Variants in ERH observed in about 807,000 individuals in gnomAD.
ERH encodes ERH mRNA splicing and mitosis factor.
ERH carries 1 observed loss-of-function variant against 16.8 expected under a neutral mutation model. That is an observed-to-expected ratio of 0.06 (90% CI 0.02 to 0.28). The LOEUF (loss-of-function observed/expected upper bound fraction) is 0.28. Among genes scored for constraint, ERH ranks in the 10% least tolerant of loss-of-function variants. The pLI, the probability that ERH is intolerant of heterozygous loss-of-function variation, is 1.00. For synonymous variants in ERH, 43 were observed against 43.6 expected, an observed-to-expected ratio of 0.99 and a Z score of 0.05; for missense variants, 42 against 127.5, an observed-to-expected ratio of 0.33 and a Z score of 3.23.
chr14:69,391,848 A>T (rs891150176), intron 2 of ERH, among the ~76,000 whole-genome samples: 1 of 152,052 alleles, frequency 6.6e-6, no homozygotes, highest in Non-Finnish European at 1.5e-5. Flanking sequence ...TCTGGTAGTG[A>T]AACTACTCTG....
At chr14:69,385,581 G>T (rs1023321738) in intron 3 of ERH, among the ~76,000 whole-genome samples, 2 of 148,626 alleles carry the variant, frequency 1.3e-5, no homozygotes, top group East Asian at 3.9e-4. Context: ...TTAAAAAAAA[G>T]CAATTTCTTT....
intron 2 of ERH, among the ~76,000 whole-genome samples, chr14:69,392,273 T>C (rs549866641): frequency 4.4e-4 from 67 of 151,440 alleles, no homozygotes; most frequent in African/African-American, 1.6e-3. Flanking sequence ...ACTTATTTAA[T>C]AATTATTTTA....
intron 2 of ERH, among the ~76,000 whole-genome samples, chr14:69,387,999 T>C (rs2140231300): frequency 6.6e-6 from 1 of 152,228 alleles, no homozygotes; most frequent in Admixed American, 6.5e-5. Flanking sequence ...TGAGCCGAGA[T>C]CGGCCACTGC....
chr14:69,384,049 T>C (rs945112063), intron 3 of ERH, among the ~76,000 whole-genome samples: 1 of 152,208 alleles, frequency 6.6e-6, no homozygotes, highest in Admixed American at 6.5e-5. Context: ...AATGACATAC[T>C]TGTATATCAT....
chr14:69,398,088 A>C, intron 1 of ERH, 143 bp downstream of exon 1: 11 of 1,055,278 alleles, frequency 1.0e-5, no homozygotes, highest in African/African-American at 1.6e-5. Context: ...TGCGGCGGGA[A>C]GAAGGGTCAA....
chr14:69,391,764 T>A (rs1003217652), intron 2 of ERH, among the ~76,000 whole-genome samples: 1 of 142,348 alleles, frequency 7.0e-6, no homozygotes, highest in Admixed American at 7.2e-5. Context: ...AAGGCAAAAC[T>A]ACAGATATGG....
chr14:69,394,745 T>TA (rs1360377534), intron 2 of ERH, 80 bp downstream of exon 2: 30,672 of 783,626 alleles, frequency 0.039, 883 homozygotes, highest in African/African-American at 0.21. Context: ...GATGGACTAT[T>TA]AAAAAAAAAA....
In ERH at chr14:69,380,553, T is replaced by C. The variant is rs184119923; in HGVS notation, c.300A>G (p.Gln100=). 337 of 1,549,886 alleles carry C rather than the reference T, an allele frequency of 2.2e-4. 4 individuals carry two copies. The Admixed American group carries it at 5.2e-3, about 24-fold the overall frequency. Residue 100 remains glutamine, a synonymous_variant, in exon 4 of 4, where the codon CAA becomes CAG. Transcript: ENST00000557016. The part of the protein sequence containing the change: ...KIYVLLRRQA[Q]QAGK ...TCCAACACAATTATTTCCCAGCCTG[T>C]TGGGCCTGCCGACGAAGGAGCACGT...
intron 1 of ERH, among the ~76,000 whole-genome samples, chr14:69,397,181 T>C (rs920580550): frequency 2.0e-5 from 3 of 152,202 alleles, no homozygotes; most frequent in Non-Finnish European, 2.9e-5. Context: ...ACATGATACA[T>C]TTTAAAAACT....
intron 2 of ERH, among the ~76,000 whole-genome samples, chr14:69,391,134 G>A (rs957784063): frequency 1.2e-4 from 19 of 152,080 alleles, no homozygotes; most frequent in African/African-American, 4.3e-4. Flanking sequence ...ACGTATTTAC[G>A]CAAATGAGCT....
intron 2 of ERH, 136 bp downstream of exon 2, chr14:69,394,689 C>A (rs1390671158): frequency 1.8e-6 from 1 of 558,000 alleles, no homozygotes; most frequent in African/African-American, 1.9e-5. Context: ...ATTAGCAATT[C>A]AATAAATTTG....
At chr14:69,397,047 A>AG (rs1277419867) in intron 1 of ERH, among the ~76,000 whole-genome samples, 1 of 152,214 alleles carries the variant, frequency 6.6e-6, no homozygotes, top group Non-Finnish European at 1.5e-5. Flanking sequence ...TGAAAGGGTA[A>AG]GAATGGAAAA....
intron 3 of ERH, among the ~76,000 whole-genome samples, chr14:69,381,619 T>A (rs368094269): frequency 6.6e-6 from 1 of 152,102 alleles, no homozygotes; most frequent in African/African-American, 2.4e-5. Flanking sequence ...TAAATTCTTA[T>A]CTGAATTAAC....
chr14:69,381,441 AT>A (rs1340374634), intron 3 of ERH, among the ~76,000 whole-genome samples: 1 of 152,244 alleles, frequency 6.6e-6, no homozygotes, highest in Non-Finnish European at 1.5e-5. Flanking sequence ...GCTTTTTAAA[AT>A]AAATAATGCT....
intron 3 of ERH, among the ~76,000 whole-genome samples, chr14:69,385,147 C>T (rs2045883572): frequency 2.6e-5 from 4 of 152,104 alleles, no homozygotes; most frequent in Admixed American, 2.6e-4. Context: ...CTCATATATG[C>T]CCTCAACCTT....
At chr14:69,396,262 A>G (rs1005385403) in intron 1 of ERH, among the ~76,000 whole-genome samples, 2 of 152,242 alleles carry the variant, frequency 1.3e-5, no homozygotes, top group African/African-American at 4.8e-5. Flanking sequence ...CTGTTTTGGA[A>G]TAACATAATT....
At chr14:69,384,679 CAAT>C (rs2045881188) in intron 3 of ERH, among the ~76,000 whole-genome samples, 1 of 151,718 alleles carries the variant, frequency 6.6e-6, no homozygotes, top group Non-Finnish European at 1.5e-5. Context: ...AGAAAATTAT[CAAT>C]AATTTTAGAA....
intron 1 of ERH, among the ~76,000 whole-genome samples, chr14:69,395,351 T>C (rs559120516): frequency 1.1e-4 from 16 of 152,182 alleles, no homozygotes; most frequent in Non-Finnish European, 2.2e-4. Flanking sequence ...GATGTCTTAG[T>C]CTAAGTATAG....
intron 3 of ERH, among the ~76,000 whole-genome samples, chr14:69,383,390 C>T (rs776162944): frequency 2.6e-5 from 4 of 152,220 alleles, no homozygotes; most frequent in Non-Finnish European, 5.9e-5. Context: ...TATGAGCACA[C>T]AACCATCTAC....
Sources: gnomAD v4.1 joint callset for allele counts (sites outside exome capture counted in the v4.1 genomes callset) on GRCh38, gnomAD v4.1.1 for gene constraint, MANE v1.5 for transcripts, NCBI Gene and HGNC (gene_info 2026-07-23, HGNC 2026-07-21) for gene names.